FBXL17: variants seen among roughly 807,000 people sequenced by gnomAD.
The protein encoded by FBXL17 is F-box and leucine rich repeat protein 17.
Under a neutral mutation model 66.2 loss-of-function variants are expected in FBXL17, and 22 were observed. The observed-to-expected ratio is 0.33, with a 90% CI of 0.24 to 0.47. FBXL17 has a LOEUF of 0.47. FBXL17 is among the 20% of genes least tolerant of loss of function. The pLI, the probability that FBXL17 is intolerant of heterozygous loss-of-function variation, is 1.00. For missense variants in FBXL17, 878 were observed against 948.2 expected, an observed-to-expected ratio of 0.93 and a Z score of 0.97; for synonymous variants, 474 against 400.5, an observed-to-expected ratio of 1.18 and a Z score of -2.19.
At chr5:108,356,658 G>A (rs1469841107) in intron 3 of FBXL17, among the ~76,000 whole-genome samples, 1 of 152,014 alleles carries the variant, frequency 6.6e-6, no homozygotes, top group Non-Finnish European at 1.5e-5. Context: ...GGGTTGCCAG[G>A]AGTTAGAGGG....
chr5:108,368,014 G>A (rs1257826536), intron 1 of FBXL17, 61 bp from the exon 2 acceptor site: 1 of 1,436,170 alleles, frequency 7.0e-7, no homozygotes, highest in Non-Finnish European at 9.3e-7. Context: ...ACAGGAAAAG[G>A]TTTTTATTAG....
intron 6 of FBXL17, among the ~76,000 whole-genome samples, chr5:108,057,076 G>T (rs980430033): frequency 6.6e-6 from 1 of 152,120 alleles, no homozygotes; most frequent in African/African-American, 2.4e-5. Context: ...AAAGCATTTT[G>T]CAAATGACTT....
chr5:108,084,156 A>G (rs1748880855), intron 6 of FBXL17, among the ~76,000 whole-genome samples: 1 of 152,220 alleles, frequency 6.6e-6, no homozygotes, highest in Non-Finnish European at 1.5e-5. Flanking sequence ...TTGAAACGCT[A>G]GAGTGCCTTT....
intron 6 of FBXL17, among the ~76,000 whole-genome samples, chr5:108,104,389 A>C (rs1736471173): frequency 6.6e-6 from 1 of 152,210 alleles, no homozygotes; most frequent in African/African-American, 2.4e-5. Context: ...TGTTATTTTC[A>C]TTAGAAAGAT....
At chr5:108,193,408 A>G (rs754359402) in intron 5 of FBXL17, among the ~76,000 whole-genome samples, 11 of 152,136 alleles carry the variant, frequency 7.2e-5, no homozygotes, top group Non-Finnish European at 1.5e-4. Context: ...TTGAAGTATA[A>G]AAGTAGAAAA....
chr5:108,314,237 A>C (rs1759251307), intron 4 of FBXL17, among the ~76,000 whole-genome samples: 1 of 151,690 alleles, frequency 6.6e-6, no homozygotes, highest in Non-Finnish European at 1.5e-5. Context: ...TTTTCTCTTG[A>C]ACTGTGATAA....
intron 6 of FBXL17, among the ~76,000 whole-genome samples, chr5:108,164,129 A>C (rs1361381083): frequency 6.6e-6 from 1 of 152,240 alleles, no homozygotes; most frequent in Non-Finnish European, 1.5e-5. Context: ...CTTAAGCCAA[A>C]GCAAGAATTG....
chr5:108,322,171 T>C (rs1759650296), intron 4 of FBXL17, among the ~76,000 whole-genome samples: 1 of 151,918 alleles, frequency 6.6e-6, no homozygotes, highest in Non-Finnish European at 1.5e-5. Context: ...GCCTGTACAC[T>C]CTGACTCAGC....
intron 6 of FBXL17, among the ~76,000 whole-genome samples, chr5:108,022,522 T>C (rs1436163215): frequency 2.0e-5 from 3 of 152,028 alleles, no homozygotes; most frequent in Non-Finnish European, 2.9e-5. Context: ...AAATCAAATA[T>C]ACATATCTCA....
chr5:108,026,914 C>T (rs928267272), intron 6 of FBXL17, among the ~76,000 whole-genome samples: 2 of 152,112 alleles, frequency 1.3e-5, no homozygotes, highest in East Asian at 1.9e-4. Context: ...TTAAGTACTA[C>T]GGGTTTGCAT....
In FBXL17 at chr5:108,090,634, G is replaced by T; in HGVS notation, c.1746-69633C>A. 2.0e-5 allele frequency among the ~76,000 whole-genome samples: 3 copies of T among 152,218 alleles called. 1 individual carries two copies. Among genetic ancestry groups the T allele is most frequent in the Admixed American group, 2.0e-4 (3 of 15,278 alleles). On this transcript the variant is annotated intron_variant, in intron 6 of 8. Transcript: ENST00000542267. ...TGTTCCAATAAAATTTAATTTATAG[G>T]TAATTAACTAGAATTCCATATAATT...
intron 5 of FBXL17, among the ~76,000 whole-genome samples, chr5:108,218,295 A>G (rs1216037351): frequency 6.6e-6 from 1 of 151,990 alleles, no homozygotes; most frequent in Non-Finnish European, 1.5e-5. Flanking sequence ...GGTGTGAGCC[A>G]CCGCGCCTGG....
At chr5:108,357,201 A>T (rs1748054450) in intron 3 of FBXL17, among the ~76,000 whole-genome samples, 2 of 152,126 alleles carry the variant, frequency 1.3e-5, no homozygotes, top group African/African-American at 4.8e-5. Flanking sequence ...TAATAACTTC[A>T]GACAGAGCAG....
chr5:107,934,152 C>T (rs1266637864), intron 7 of FBXL17, among the ~76,000 whole-genome samples: 1 of 152,062 alleles, frequency 6.6e-6, no homozygotes, highest in African/African-American at 2.4e-5. Flanking sequence ...TTTTTACTTT[C>T]CATGACAAAT....
At chr5:108,231,144 A>C (rs1755321656) in intron 4 of FBXL17, among the ~76,000 whole-genome samples, 1 of 152,178 alleles carries the variant, frequency 6.6e-6, no homozygotes, top group Non-Finnish European at 1.5e-5. Flanking sequence ...AGCACTACGC[A>C]TAATTTTTAA....
intron 3 of FBXL17, among the ~76,000 whole-genome samples, chr5:108,356,383 A>G (rs1260904855): frequency 6.6e-6 from 1 of 152,140 alleles, no homozygotes; most frequent in Non-Finnish European, 1.5e-5. Context: ...TACACACAGA[A>G]GTTTATAGTA....
intron 8 of FBXL17, among the ~76,000 whole-genome samples, chr5:107,865,700 A>G (rs146402206): frequency 6.6e-6 from 1 of 152,356 alleles, no homozygotes; most frequent in African/African-American, 2.4e-5. Context: ...GCAGTGGGGA[A>G]AATGCAAATA....
intron 4 of FBXL17, among the ~76,000 whole-genome samples, chr5:108,273,144 A>G (rs954332344): frequency 4.6e-5 from 7 of 152,110 alleles, no homozygotes; most frequent in African/African-American, 1.7e-4. Context: ...AGTACTTTAC[A>G]AGGTAAAAGA....
At chr5:107,912,579 G>A (rs550585915) in intron 7 of FBXL17, among the ~76,000 whole-genome samples, 3 of 152,190 alleles carry the variant, frequency 2.0e-5, no homozygotes, top group Admixed American at 1.3e-4. Context: ...TTTACACTCT[G>A]ATACTATTTA....
Sources: allele counts gnomAD v4.1 joint callset (sites outside exome capture counted in the v4.1 genomes callset), GRCh38; gene constraint gnomAD v4.1.1; transcripts MANE v1.5; gene names NCBI Gene and HGNC (gene_info 2026-07-23, HGNC 2026-07-21).